Variants in N4BP2L2 observed in about 807,000 individuals in gnomAD.
The protein encoded by N4BP2L2 is NEDD4-binding protein 2-like 2.
In N4BP2L2, 50 loss-of-function variants were observed where a neutral mutation model predicts 56.2. That is an observed-to-expected ratio of 0.89 (90% CI 0.71 to 1.13). The LOEUF is 1.13. N4BP2L2 is among the 50% of genes most tolerant of loss of function. N4BP2L2 has a pLI of 0.00. For missense variants in N4BP2L2, 689 were observed against 693.8 expected (o/e 0.99, Z 0.08); for synonymous variants, 203 against 223.6 (o/e 0.91, Z 0.82).
At chr13:32,483,142 C>A (rs1593764405) in intron 6 of N4BP2L2, among the ~76,000 whole-genome samples, 2 of 152,286 alleles carry the variant, frequency 1.3e-5, no homozygotes, top group South Asian at 4.1e-4. Context: ...GAAATCTTAA[C>A]TTGGGAAACC....
chr13:32,522,147 T>C (rs201350775), intron 4 of N4BP2L2, 35 bp downstream of exon 4: 23 of 1,368,924 alleles, frequency 1.7e-5, no homozygotes. Flanking sequence ...TTGACAAGAA[T>C]AAAAAATAAA....
chr13:32,480,532 A>C, intron 6 of N4BP2L2: 1 of 977,216 alleles, frequency 1.0e-6, no homozygotes, highest in Non-Finnish European at 1.4e-6. Context: ...ACATAATTTT[A>C]ATCTTAGAAA....
At chr13:32,502,291 G>C (rs1239274457) in intron 6 of N4BP2L2, among the ~76,000 whole-genome samples, 1 of 151,884 alleles carries the variant, frequency 6.6e-6, no homozygotes, top group African/African-American at 2.4e-5. Context: ...TGGCCAGGCT[G>C]GTCTCGAACA....
intron 2 of N4BP2L2, among the ~76,000 whole-genome samples, chr13:32,530,649 A>C (rs778558289): frequency 6.6e-6 from 1 of 152,178 alleles, no homozygotes; most frequent in African/African-American, 2.4e-5. Flanking sequence ...TCCTCATAAA[A>C]GCCTGCCAAT....
intron 6 of N4BP2L2, among the ~76,000 whole-genome samples, chr13:32,490,319 T>C (rs949677931): frequency 6.6e-6 from 1 of 152,134 alleles, no homozygotes; most frequent in Non-Finnish European, 1.5e-5. Context: ...TTTGTTTGTT[T>C]TGGAGATGGA....
At chr13:32,531,274 A>G (rs1450323549) in intron 2 of N4BP2L2, among the ~76,000 whole-genome samples, 1 of 152,208 alleles carries the variant, frequency 6.6e-6, no homozygotes, top group African/African-American at 2.4e-5. Flanking sequence ...TTAAACAACT[A>G]AGTTTTAGGG....
At chr13:32,446,605 T>G in intron 6 of N4BP2L2, 1 of 1,076,392 alleles carries the variant, frequency 9.3e-7, no homozygotes, top group Non-Finnish European at 1.2e-6. Flanking sequence ...TGGAGTTTAA[T>G]GCACTTAATG....
At chr13:32,441,392 A>G (rs2076302829) in intron 7 of N4BP2L2, among the ~76,000 whole-genome samples, 1 of 152,158 alleles carries the variant, frequency 6.6e-6, no homozygotes, top group Admixed American at 6.5e-5. Flanking sequence ...TAGAAAGTAG[A>G]GTTTCTTTTC....
intron 6 of N4BP2L2, among the ~76,000 whole-genome samples, chr13:32,445,683 C>T (rs1160364735): frequency 6.6e-6 from 1 of 152,140 alleles, no homozygotes; most frequent in South Asian, 2.1e-4. Context: ...AATGTGTTAC[C>T]ACACATTACC....
At chr13:32,524,670 TTAA>T (rs2052131441) in intron 3 of N4BP2L2, 2 of 152,356 alleles carry the variant, frequency 1.3e-5, no homozygotes, top group Admixed American at 6.5e-5. Flanking sequence ...TTATTCTGGT[TTAA>T]TAATAAGATA....
At chr13:32,466,628 C>A (rs2081291814) in intron 6 of N4BP2L2, among the ~76,000 whole-genome samples, 1 of 152,066 alleles carries the variant, frequency 6.6e-6, no homozygotes, top group South Asian at 2.1e-4. Flanking sequence ...CAAGCCTAAA[C>A]CCTATATTGT....
chr13:32,460,159 C>A (rs1487424426), intron 6 of N4BP2L2, among the ~76,000 whole-genome samples: 3 of 152,066 alleles, frequency 2.0e-5, no homozygotes, highest in African/African-American at 7.2e-5. Context: ...CATACTTCAA[C>A]ATAAAAAAGA....
At chr13:32,531,077 G>A (rs1444385600) in intron 2 of N4BP2L2, among the ~76,000 whole-genome samples, 1 of 152,080 alleles carries the variant, frequency 6.6e-6, no homozygotes, top group Non-Finnish European at 1.5e-5. Context: ...AAGGAACTCA[G>A]TCCTGTCAAC....
intron 5 of N4BP2L2, among the ~76,000 whole-genome samples, chr13:32,520,873 T>C (rs1343963018): frequency 1.3e-5 from 2 of 152,166 alleles, no homozygotes; most frequent in African/African-American, 2.4e-5. Context: ...CTGTACTCAT[T>C]TGGCAGAACA....
chr13:32,537,055 C>A, intron 1 of N4BP2L2, 28 bp from the exon 2 acceptor site: 1 of 1,370,808 alleles, frequency 7.3e-7, no homozygotes, highest in Non-Finnish European at 9.7e-7. Context: ...CATACAATTA[C>A]TAGCTAATAT....
At chr13:32,462,547 A>C (rs907708591) in intron 6 of N4BP2L2, among the ~76,000 whole-genome samples, 1 of 152,160 alleles carries the variant, frequency 6.6e-6, no homozygotes, top group Non-Finnish European at 1.5e-5. Context: ...AATGTTTCAT[A>C]GCAGTGTAGG....
chr13:32,537,080 T>C, intron 1 of N4BP2L2, 53 bp from the exon 2 acceptor site: 2 of 1,214,250 alleles, frequency 1.6e-6, no homozygotes, highest in Non-Finnish European at 2.2e-6. Context: ...AAAATCTAAA[T>C]AAAATTTTCT....
At chr13:32,509,760 T>C (rs2091479634), downstream of N4BP2L2, among the ~76,000 whole-genome samples, 1 of 152,198 alleles carries the variant, frequency 6.6e-6, no homozygotes, top group Admixed American at 6.5e-5. Context: ...TTGAAAACTA[T>C]CTTAATCTAT....
chr13:32,493,823 C>A (rs1593846637), intron 6 of N4BP2L2, among the ~76,000 whole-genome samples: 1 of 152,362 alleles, frequency 6.6e-6, no homozygotes, highest in East Asian at 1.9e-4. Flanking sequence ...TTAAAAACTG[C>A]AAGCTAATGT....
Sources: gnomAD v4.1 joint callset for allele counts (sites outside exome capture counted in the v4.1 genomes callset) on GRCh38, gnomAD v4.1.1 for gene constraint, MANE v1.5 for transcripts, NCBI Gene and HGNC (gene_info 2026-07-23, HGNC 2026-07-21) for gene names.